BNC2: variants seen among roughly 807,000 people sequenced by gnomAD.
BNC2 encodes the protein basonuclin zinc finger protein 2.
BNC2 carries 20 observed loss-of-function variants against 76.3 expected under a neutral mutation model. That is an observed-to-expected ratio of 0.26 (90% confidence interval 0.18 to 0.38). The LOEUF (loss-of-function observed/expected upper bound fraction) is 0.38. Among genes scored for constraint, BNC2 ranks in the 10% least tolerant of loss-of-function variants. The pLI, the probability that BNC2 is intolerant of heterozygous loss-of-function variation, is 1.00. For synonymous variants in BNC2, 582 were observed against 514.8 expected (o/e 1.13, Z -1.77); for missense variants, 1,382 against 1,399.8 (o/e 0.99, Z 0.20).
chr9:16,474,230 G>T (rs1821884334), intron 5 of BNC2, among the ~76,000 whole-genome samples: 1 of 152,160 alleles, frequency 6.6e-6, no homozygotes. Flanking sequence ...TAATTGAAAA[G>T]AATATCTCCC....
chr9:16,624,957 A>C (rs1261599194), intron 3 of BNC2, among the ~76,000 whole-genome samples: 1 of 152,238 alleles, frequency 6.6e-6, no homozygotes, highest in Non-Finnish European at 1.5e-5. Flanking sequence ...AAAAAGTTAG[A>C]AGAGAGCACC....
In BNC2 at chr9:16,436,694, A is replaced by T. The variant is rs1292391446; in HGVS notation, c.1500T>A (p.Pro500=). The change falls in exon 6 of 7, where the codon CCT becomes CCA. Residue 500 remains proline, a synonymous_variant. Transcript: ENST00000380672. The stretch of plus-strand genomic sequence containing the variant: ...CTTTATCTCGGTTATTCCTTAGCAT[A>T]GGCATGTGAAGGCGAGGATTGGGGT... ...SANPNPRLHM[P]MLRNNRDKDL... 1 of 1,614,138 alleles carries T rather than the reference A, an allele frequency of 6.2e-7. No homozygotes were observed. Among genetic ancestry groups the T allele is most frequent in the Non-Finnish European group, 8.5e-7 (1 of 1,180,026 alleles).
At chr9:16,574,277 T>C (rs1172438088) in intron 4 of BNC2, among the ~76,000 whole-genome samples, 1 of 152,172 alleles carries the variant, frequency 6.6e-6, no homozygotes, top group East Asian at 1.9e-4. Context: ...TGCAATAAAA[T>C]GATAAAGTGG....
intron 5 of BNC2, among the ~76,000 whole-genome samples, chr9:16,446,155 C>T (rs1453675838): frequency 6.6e-6 from 1 of 152,128 alleles, no homozygotes; most frequent in African/African-American, 2.4e-5. Flanking sequence ...CACAAACACA[C>T]ACAGGAATAC....
rs1818373917 is a variant in BNC2 at position 16,822,915 on chromosome 9, T to TGA, written c.3+47729_3+47730dup. Among the ~76,000 whole-genome samples, 6 of 152,192 alleles carry TGA rather than the reference T, an allele frequency of 3.9e-5. 1 individual carries two copies. The highest frequency in any genetic ancestry group is 3.9e-4 in the Admixed American group (6 of 15,280). ...GCCTTGAACTCAAAAGTTCATACTA[T>TGA]GAATTGAACTTAATATTATTTAGGA... On this transcript the variant is annotated intron_variant, in intron 1 of 6. Coordinates refer to ENST00000380672, the MANE Select transcript of BNC2 (RefSeq NM_017637.6).
intron 3 of BNC2, among the ~76,000 whole-genome samples, chr9:16,724,059 G>A (rs1263621058): frequency 1.3e-5 from 2 of 151,880 alleles, no homozygotes; most frequent in Non-Finnish European, 2.9e-5. Context: ...TCCTAACTTA[G>A]TATTTCACTC....
intron 1 of BNC2, 56 bp from the exon 2 acceptor site, chr9:16,738,541 C>T: frequency 6.5e-7 from 1 of 1,533,990 alleles, no homozygotes; most frequent in Non-Finnish European, 8.7e-7. Context: ...TACTTAAAAG[C>T]ATTGAGTACA....
chr9:16,774,634 G>T (rs1481779043), intron 1 of BNC2, among the ~76,000 whole-genome samples: 1 of 152,146 alleles, frequency 6.6e-6, no homozygotes, highest in Non-Finnish European at 1.5e-5. Flanking sequence ...AAACATACAA[G>T]CATTTCTTAA....
intron 5 of BNC2, among the ~76,000 whole-genome samples, chr9:16,525,487 T>G (rs1242135123): frequency 6.6e-6 from 1 of 151,966 alleles, no homozygotes; most frequent in Non-Finnish European, 1.5e-5. Context: ...TGACTGATAA[T>G]CATAAAAGGA....
At chr9:16,861,200 AT>A in intron 1 of BNC2, among the ~76,000 whole-genome samples, 2 of 148,106 alleles carry the variant, frequency 1.4e-5, no homozygotes, top group East Asian at 2.0e-4. Context: ...ATATATATAT[AT>A]AAATTAACCA....
chr9:16,733,766 C>G (rs536020002), intron 2 of BNC2, among the ~76,000 whole-genome samples: 1 of 152,160 alleles, frequency 6.6e-6, no homozygotes, highest in African/African-American at 2.4e-5. Flanking sequence ...CACTGGTAAT[C>G]CCAGCTACTC....
chr9:16,682,444 T>C lies in BNC2; in HGVS notation c.330+45353A>G, dbSNP rs186460189. On this transcript the variant is annotated intron_variant, in intron 3 of 6. Transcript: ENST00000380672. ...GAAGTGAATGCTGCAGGTTGTTTAATAACCTGGCAAATTCACAGTAGCTTG... is the reference window on the plus strand; with the variant it reads ...GAAGTGAATGCTGCAGGTTGTTTAACAACCTGGCAAATTCACAGTAGCTTG... 3.6e-3 allele frequency among the ~76,000 whole-genome samples: 553 copies of C among 152,092 alleles called. 4 individuals carry two copies. Among genetic ancestry groups the C allele is most frequent in the African/African-American group, 0.013 (538 of 41,422 alleles).
chr9:16,421,477 C>A (rs942311704), intron 6 of BNC2, among the ~76,000 whole-genome samples: 1 of 152,152 alleles, frequency 6.6e-6, no homozygotes, highest in Non-Finnish European at 1.5e-5. Context: ...TCATCCCATA[C>A]GCTGTCTTGA....
intron 1 of BNC2, among the ~76,000 whole-genome samples, chr9:16,755,993 T>C (rs1825374168): frequency 6.6e-6 from 1 of 152,224 alleles, no homozygotes; most frequent in Non-Finnish European, 1.5e-5. Context: ...CTAAGTCATG[T>C]GCCAAACCAA....
intron 5 of BNC2, among the ~76,000 whole-genome samples, chr9:16,458,745 A>G (rs1563793115): frequency 6.6e-6 from 1 of 152,260 alleles, no homozygotes; most frequent in Non-Finnish European, 1.5e-5. Flanking sequence ...GCTCCAATGA[A>G]AAGTAACAAC....
intron 1 of BNC2, among the ~76,000 whole-genome samples, chr9:16,808,479 C>CTTTTTTTTT (rs768028981): frequency 1.5e-4 from 12 of 78,678 alleles, no homozygotes; most frequent in Non-Finnish European, 2.4e-4. Flanking sequence ...TCTTGGGCAA[C>CTTTTTTTTT]TTTTTTTTTT....
At chr9:16,833,847 T>G (rs2136042476) in intron 1 of BNC2, among the ~76,000 whole-genome samples, 1 of 152,252 alleles carries the variant, frequency 6.6e-6, no homozygotes, top group East Asian at 1.9e-4. Flanking sequence ...AGCCCCTTCC[T>G]TCCCTTCAGT....
Position 16,754,926 on chromosome 9 carries a change from A to C in BNC2, c.4-16441T>G, listed in dbSNP as rs188326146. Among the ~76,000 whole-genome samples, 529 of 152,210 alleles carry C rather than the reference A, an allele frequency of 3.5e-3. 2 individuals carry two copies. Among genetic ancestry groups the C allele is most frequent in the Non-Finnish European group, 3.9e-3 (265 of 68,018 alleles). The stretch of plus-strand genomic sequence containing the variant: ...TCATTATTAAATGCATCCACCCAAG[A>C]AGCACTTGAGGGCCACAGTCAGCTA... On this transcript the variant is annotated intron_variant, in intron 1 of 6. Coordinates refer to ENST00000380672, the MANE Select transcript of BNC2 (RefSeq NM_017637.6).
intron 3 of BNC2, among the ~76,000 whole-genome samples, chr9:16,718,155 T>C (rs946596966): frequency 6.6e-6 from 1 of 152,152 alleles, no homozygotes; most frequent in African/African-American, 2.4e-5. Context: ...TTTTCTTATT[T>C]GAACAACAAT....
Sources: allele counts gnomAD v4.1 joint callset (sites outside exome capture counted in the v4.1 genomes callset), GRCh38; gene constraint gnomAD v4.1.1; transcripts MANE v1.5; gene names NCBI Gene and HGNC (gene_info 2026-07-23, HGNC 2026-07-21).